Variants in TNRC6B observed in about 807,000 individuals in gnomAD.
TNRC6B encodes the protein trinucleotide repeat containing adaptor 6B.
Under a neutral mutation model 203.6 loss-of-function variants are expected in TNRC6B, and 52 were observed. That is an observed-to-expected ratio of 0.26 (90% CI 0.20 to 0.32). The LOEUF is 0.32. TNRC6B is among the 10% of genes least tolerant of loss of function. The pLI is 1.00. For missense variants in TNRC6B, 1,923 were observed against 2,286.2 expected (o/e 0.84, Z 3.24); for synonymous variants, 838 against 845.7 (o/e 0.99, Z 0.16).
At position 40,324,425 on chromosome 22, in the gene TNRC6B, C is replaced by G. The variant is rs1032049785; in HGVS notation, c.*1184C>G. 1.3e-5 allele frequency: 2 copies of G among 152,276 alleles called. No homozygotes were observed. The highest frequency in any genetic ancestry group is 4.8e-5 in the African/African-American group (2 of 41,292). 9.4% of individuals were successfully genotyped at this position (152,276 alleles called of 1,614,324 possible). On this transcript the variant is annotated 3_prime_UTR_variant, in exon 23 of 23. Transcript: ENST00000454349. ...ATGCGATGTCTCAAAAACAGAGAAA[C>G]TTTGTTCCCTCTTTCCTTATGATCA...
chr22:40,228,093 A>T (rs555777258), intron 1 of TNRC6B, among the ~76,000 whole-genome samples: 1 of 152,266 alleles, frequency 6.6e-6, no homozygotes, highest in Admixed American at 6.5e-5. Context: ...TCTGGCCCTT[A>T]AGGTGTAAAC....
intron 21 of TNRC6B, among the ~76,000 whole-genome samples, chr22:40,320,090 T>C (rs1375021916): frequency 1.3e-5 from 2 of 152,372 alleles, no homozygotes; most frequent in African/African-American, 2.4e-5. Flanking sequence ...TGTCTACCAC[T>C]GCCACCAGTA....
At chr22:40,216,131 C>T (rs191122676) in intron 1 of TNRC6B, among the ~76,000 whole-genome samples, 1 of 152,364 alleles carries the variant, frequency 6.6e-6, no homozygotes, top group African/African-American at 2.4e-5. Context: ...TGCTGCATAG[C>T]CTTGGCCCAT....
chr22:40,158,203 G>A (rs1043786069), intron 4 of TNRC6B, among the ~76,000 whole-genome samples: 3 of 152,026 alleles, frequency 2.0e-5, no homozygotes, highest in Non-Finnish European at 4.4e-5. Context: ...GCCAGGCGTG[G>A]TGGCACACGC....
In TNRC6B at chr22:40,242,426, T is replaced by TTTTTC. The variant is rs572419306; in HGVS notation, c.6-3579_6-3575dup. 2.0e-5 allele frequency among the ~76,000 whole-genome samples: 3 copies of TTTTTC among 152,246 alleles called. No homozygotes were observed. The East Asian group carries it at 5.8e-4, about 29-fold the overall frequency. ...AGAAACATGGCTGTCATTATTCTTT[T>TTTTTC]TTTTCTTTTCTTTTTTTTTTTGAGA... is the stretch of plus-strand genomic sequence containing the variant. On this transcript the variant is annotated intron_variant, in intron 1 of 22. Transcript: ENST00000454349.
At chr22:40,314,433 A>T (rs952183316) in intron 19 of TNRC6B, among the ~76,000 whole-genome samples, 1 of 151,608 alleles carries the variant, frequency 6.6e-6, no homozygotes, top group African/African-American at 2.4e-5. Context: ...AGTTGCAAAA[A>T]CTCCTGATAT....
chr22:40,263,706 A>T (rs765771391), intron 4 of TNRC6B, among the ~76,000 whole-genome samples: 1 of 152,190 alleles, frequency 6.6e-6, no homozygotes, highest in East Asian at 1.9e-4. Context: ...TTCCACCAAA[A>T]TATATGGTGA....
At chr22:40,294,248 G>C (rs1487812149) in intron 12 of TNRC6B, among the ~76,000 whole-genome samples, 1 of 152,070 alleles carries the variant, frequency 6.6e-6, no homozygotes, top group East Asian at 1.9e-4. Context: ...GTGAGACCCT[G>C]TCTCAAAAAA....
At chr22:40,193,158 T>C (rs570314382) in intron 1 of TNRC6B, among the ~76,000 whole-genome samples, 5 of 152,294 alleles carry the variant, frequency 3.3e-5, no homozygotes, top group South Asian at 4.1e-4. Flanking sequence ...CCGAGCGCAT[T>C]GTTCATCCTG....
intron 1 of TNRC6B, among the ~76,000 whole-genome samples, chr22:40,080,682 G>T (rs2068056920): frequency 6.6e-6 from 1 of 152,014 alleles, no homozygotes; most frequent in African/African-American, 2.4e-5. Flanking sequence ...TCACTCCCTT[G>T]CCTGCCCTCT....
Position 40,266,747 on chromosome 22 carries a change from G to C in TNRC6B, c.2517G>C (p.Ser839=), listed in dbSNP as rs373711092. 1.2e-6 allele frequency: 2 copies of C among 1,613,742 alleles called. No homozygotes were observed. The highest frequency in any genetic ancestry group is 1.7e-6 in the Non-Finnish European group (2 of 1,179,860). Residue 839 remains serine (S), a synonymous_variant, in exon 5 of 23, where the codon TCG becomes TCC. Transcript: ENST00000454349. ...CACCACAACCAGAGGCTTCTGGTTC[G>C]TGGGGAGGCCCACCCCCACCACCTC... is the stretch of plus-strand genomic sequence containing the variant. ...PPPPQPEASG[S]WGGPPPPPPG...
At chr22:40,254,219 T>TAGA (rs2070235714) in intron 3 of TNRC6B, among the ~76,000 whole-genome samples, 1 of 152,144 alleles carries the variant, frequency 6.6e-6, no homozygotes, top group Non-Finnish European at 1.5e-5. Flanking sequence ...GATTTTAGAG[T>TAGA]AGAACTAAAA....
At chr22:40,097,838 A>C (rs945380825) in intron 1 of TNRC6B, among the ~76,000 whole-genome samples, 1 of 152,010 alleles carries the variant, frequency 6.6e-6, no homozygotes, top group African/African-American at 2.4e-5. Flanking sequence ...AATGTTTTAT[A>C]ATGGCGTATC....
At chr22:40,262,806 G>A (rs1404730815) in intron 4 of TNRC6B, among the ~76,000 whole-genome samples, 11 of 152,076 alleles carry the variant, frequency 7.2e-5, no homozygotes, top group Admixed American at 2.0e-4. Flanking sequence ...TTGGGAGGCC[G>A]AGGCGGGTGG....
rs1356473451 is a variant in TNRC6B at position 40,285,743 on chromosome 22, A to G, written c.3681A>G (p.Gln1227=). ...ATTCTTCTCCCAGTCTCCGGGCGCA[A>G]GTGCCTCCCCAGTTTATTTCCCCCC... ...PLNSSPSLRA[Q]VPPQFISPQV... The change falls in exon 12 of 23, where the codon CAA becomes CAG. Residue 1227 remains glutamine, a synonymous_variant. Transcript: ENST00000454349. The G allele has an allele frequency of 1.2e-6, 2 of 1,613,990 alleles. No individual in the cohort carries two copies. Among genetic ancestry groups the G allele is most frequent in the Non-Finnish European group, 1.7e-6 (2 of 1,179,886 alleles).
intron 1 of TNRC6B, among the ~76,000 whole-genome samples, chr22:40,115,515 G>A (rs920401447): frequency 4.6e-5 from 7 of 152,058 alleles, no homozygotes; most frequent in African/African-American, 1.7e-4. Flanking sequence ...TGAATTGCTG[G>A]GATCCCATTG....
intron 4 of TNRC6B, among the ~76,000 whole-genome samples, chr22:40,163,624 G>C (rs2146360278): frequency 6.6e-6 from 1 of 151,852 alleles, no homozygotes; most frequent in East Asian, 1.9e-4. Flanking sequence ...AGCCAGGTGT[G>C]GTGGCGCATG....
intron 3 of TNRC6B, among the ~76,000 whole-genome samples, chr22:40,138,888 A>G (rs2068622519): frequency 6.6e-6 from 1 of 152,212 alleles, no homozygotes. Context: ...TAAATTAAGG[A>G]AAGAAAAGAA....
intron 1 of TNRC6B, among the ~76,000 whole-genome samples, chr22:40,079,642 A>T (rs2068049008): frequency 6.6e-6 from 1 of 151,914 alleles, no homozygotes. Context: ...TTTTTGAGAC[A>T]GGGTCTTGCT....
Sources: gnomAD v4.1 joint callset for allele counts (sites outside exome capture counted in the v4.1 genomes callset) on GRCh38, gnomAD v4.1.1 for gene constraint, MANE v1.5 for transcripts, NCBI Gene and HGNC (gene_info 2026-07-23, HGNC 2026-07-21) for gene names.